CLIP1: variants seen among roughly 807,000 people sequenced by gnomAD.
CLIP1 encodes the protein CAP-Gly domain containing linker protein 1, also known as CAP-Gly domain-containing linker protein 1.
Under a neutral mutation model 161.6 loss-of-function variants are expected in CLIP1, and 66 were observed. That is an observed-to-expected ratio of 0.41 (90% CI 0.33 to 0.50). The LOEUF (loss-of-function observed/expected upper bound fraction) is 0.50. CLIP1 is among the 20% of genes least tolerant of loss of function. CLIP1 has a pLI of 0.27. For missense variants in CLIP1, 1,376 were observed against 1,702.0 expected, an observed-to-expected ratio of 0.81 and a Z score of 3.37; for synonymous variants, 598 against 626.2, an observed-to-expected ratio of 0.96 and a Z score of 0.67.
intron 1 of CLIP1, among the ~76,000 whole-genome samples, chr12:122,396,337 G>A (rs376472830): frequency 3.3e-5 from 5 of 152,176 alleles, no homozygotes; most frequent in African/African-American, 1.2e-4. Flanking sequence ...GTATCTTTGT[G>A]AGGAAAAGGC....
intron 1 of CLIP1, among the ~76,000 whole-genome samples, chr12:122,417,047 C>T (rs893876214): frequency 9.9e-5 from 15 of 152,090 alleles, no homozygotes; most frequent in African/African-American, 2.9e-4. Flanking sequence ...CCTGTAATCC[C>T]AGCACTCTGG....
intron 9 of CLIP1, among the ~76,000 whole-genome samples, chr12:122,348,329 G>A (rs981202079): frequency 1.3e-5 from 2 of 152,176 alleles, no homozygotes; most frequent in Non-Finnish European, 2.9e-5. Context: ...CCAATTGAGA[G>A]GCTCAAGAGA....
chr12:122,380,512 T>C lies in CLIP1; in HGVS notation c.-60A>G. ...TGTTGCCACTATCTTTCCCCAACCA[T>C]TGATACAACTGTGGGTTCTATAGTG... On this transcript the variant is annotated 5_prime_UTR_variant, in exon 2 of 26. The change abolishes an upstream ATG in the 5' untranslated region. Coordinates refer to ENST00000620786, the MANE Select transcript of CLIP1 (RefSeq NM_001247997.2). The C allele has an allele frequency of 1.9e-6, 2 of 1,040,934 alleles. No homozygotes were observed. The highest frequency in any genetic ancestry group is 2.7e-5 in the South Asian group (2 of 75,180). The allele number at this position is 1,040,934 out of a possible 1,614,324, so 64.5% of individuals were successfully genotyped here.
At chr12:122,406,755 C>A (rs1956339439) in intron 1 of CLIP1, among the ~76,000 whole-genome samples, 1 of 152,038 alleles carries the variant, frequency 6.6e-6, no homozygotes, top group African/African-American at 2.4e-5. Flanking sequence ...TAAAAACTAA[C>A]CCAGGGAGAA....
At chr12:122,340,338 C>T (rs1952442628) in intron 11 of CLIP1, among the ~76,000 whole-genome samples, 1 of 152,154 alleles carries the variant, frequency 6.6e-6, no homozygotes, top group South Asian at 2.1e-4. Flanking sequence ...CTCAGCCTCC[C>T]AAAGTGCTGG....
rs557228450 is a variant in CLIP1, at chr12:122,323,425, C to T, written c.3250-4077G>A. ...GCTGGATGCACTCGGAGTCCGTGAC[C>T]GCCCGCCTGGCCTTAATTTCCTCCA... is the stretch of plus-strand genomic sequence containing the variant. On this transcript the variant is annotated intron_variant, in intron 17 of 25. Transcript: ENST00000620786. The surrounding 1 kb of genome is among the most constrained non-coding windows in gnomAD (Gnocchi z 4.1). The T allele has an allele frequency of 5.2e-5, 8 of 152,712 alleles. No individual in the cohort carries two copies. Among genetic ancestry groups the T allele is most frequent in the African/African-American group, 1.7e-4 (7 of 41,548 alleles). The allele number at this position is 152,712 out of a possible 1,614,324, so 9.5% of individuals were successfully genotyped here. A position where few individuals can be genotyped will look rare whatever the true frequency, so the allele number is the denominator to read the frequency against.
In CLIP1 at chr12:122,336,760, T is replaced by G. The variant is rs752982154; in HGVS notation, c.2452-12A>C. ...GTAATGCTACTAGCCTAACACACAG[T>G]GTTACATGGTATAGAAGCAAATGAA... On this transcript the variant is annotated splice_polypyrimidine_tract_variant and intron_variant, in intron 11 of 25. Coordinates refer to ENST00000620786, the MANE Select transcript of CLIP1 (RefSeq NM_001247997.2). The G allele has an allele frequency of 4.7e-6, 6 of 1,264,458 alleles. No individual in the cohort carries two copies. In the Admixed American group the frequency reaches 1.0e-4, roughly 22 times the overall value. The allele number at this position is 1,264,458 out of a possible 1,614,324, so 78.3% of individuals were successfully genotyped here.
At chr12:122,363,222 G>A (rs1448168721) in intron 4 of CLIP1, among the ~76,000 whole-genome samples, 2 of 152,124 alleles carry the variant, frequency 1.3e-5, no homozygotes, top group African/African-American at 2.4e-5. Context: ...TATCCAGGCT[G>A]GACGCGGTGG....
At chr12:122,396,612 A>G (rs2137031897) in intron 1 of CLIP1, 2 of 152,300 alleles carry the variant, frequency 1.3e-5, no homozygotes, top group South Asian at 4.1e-4. Context: ...GAGCCACAGT[A>G]AAACGGCTTC....
chr12:122,333,735 C>G (rs1304334235), intron 14 of CLIP1, among the ~76,000 whole-genome samples: 1 of 152,094 alleles, frequency 6.6e-6, no homozygotes, highest in Admixed American at 6.5e-5. Flanking sequence ...GCAGTGAGCC[C>G]CAAGGGTCAG....
chr12:122,293,464 TG>T (rs1371381201), intron 20 of CLIP1, among the ~76,000 whole-genome samples: 1 of 151,208 alleles, frequency 6.6e-6, no homozygotes, highest in Non-Finnish European at 1.5e-5. Context: ...TTTTGGAAAA[TG>T]GTTTGAGAAT....
chr12:122,343,088 AC>A (rs1433382516), intron 10 of CLIP1: 1 of 150,816 alleles, frequency 6.6e-6, no homozygotes, highest in African/African-American at 2.4e-5. Context: ...ATAACACATC[AC>A]CTGTAGAATG....
intron 10 of CLIP1, chr12:122,342,394 C>T (rs1054373412): frequency 6.6e-6 from 1 of 152,194 alleles, no homozygotes; most frequent in Admixed American, 6.5e-5. Flanking sequence ...TGGAGGTGAT[C>T]TTATAGAACT....
Position 122,355,002 on chromosome 12 carries a change from C to T in CLIP1, c.1203+113G>A, listed in dbSNP as rs2136480023. ...CAAGCACAGCAAAGAAATGTACACC[C>T]ATTTCTTGTGCTCTCAAGTCTAGCT... On this transcript the variant is annotated intron_variant, in intron 6 of 25. Transcript: ENST00000620786. This position sits in a 1 kb window ranked among gnomAD's most constrained non-coding sequence, Gnocchi z 4.1. 1.1e-6 allele frequency: 1 copy of T among 878,210 alleles called. No homozygotes were observed. 54.4% of individuals were successfully genotyped at this position (878,210 alleles called of 1,614,324 possible). A position where few individuals can be genotyped will look rare whatever the true frequency, so the allele number is the denominator to read the frequency against.
At chr12:122,343,025 T>G (rs2136360025) in intron 10 of CLIP1, 1 of 152,096 alleles carries the variant, frequency 6.6e-6, no homozygotes, top group South Asian at 2.1e-4. Flanking sequence ...TATACTTCTA[T>G]TGGACAGCAC....
rs2136224938 is a variant in CLIP1, at chr12:122,279,257, T to C, written c.3648-112A>G. 5.7e-6 allele frequency: 4 copies of C among 701,636 alleles called. No homozygotes were observed. The highest frequency in any genetic ancestry group is 4.5e-6 in the Non-Finnish European group (2 of 440,134). 43.5% of individuals were successfully genotyped at this position (701,636 alleles called of 1,614,324 possible). On this transcript the variant is annotated intron_variant, in intron 21 of 25. Transcript: ENST00000620786. This position sits in a 1 kb window ranked among gnomAD's most constrained non-coding sequence, Gnocchi z 4.5. Reference sequence around the variant, plus strand: ...GTTAGTTAATGTAAAAAAAAAAATATAACAGGGAAGTTTTATAGGGAGTTA... The same window carrying C: ...GTTAGTTAATGTAAAAAAAAAAATACAACAGGGAAGTTTTATAGGGAGTTA...
Position 122,340,616 on chromosome 12 carries a change from C to T in CLIP1, c.2451+137G>A, listed in dbSNP as rs1168093327. 1.0e-5 allele frequency: 7 copies of T among 671,622 alleles called. No homozygotes were observed. The Admixed American group carries it at 1.8e-4, about 17-fold the overall frequency. 41.6% of individuals were successfully genotyped at this position (671,622 alleles called of 1,614,324 possible). ...CTTGAGATACTCAGAACATACTACA[C>T]TATACTCAACTGGGGACATCAAGCA... On this transcript the variant is annotated intron_variant, in intron 11 of 25. Coordinates refer to ENST00000620786, the MANE Select transcript of CLIP1 (RefSeq NM_001247997.2).
chr12:122,303,956 G>A (rs1392923586), intron 20 of CLIP1, among the ~76,000 whole-genome samples: 1 of 152,204 alleles, frequency 6.6e-6, no homozygotes, highest in African/African-American at 2.4e-5. Flanking sequence ...CAAGCAGGAA[G>A]GAAGGGCCAG....
At chr12:122,373,803 T>C (rs1954577772) in intron 3 of CLIP1, among the ~76,000 whole-genome samples, 1 of 152,138 alleles carries the variant, frequency 6.6e-6, no homozygotes, top group African/African-American at 2.4e-5. Flanking sequence ...ATCTACAGTC[T>C]ACAATCTACG....
Sources: gnomAD v4.1 joint callset for allele counts (sites outside exome capture counted in the v4.1 genomes callset) on GRCh38, gnomAD v4.1.1 for gene constraint, Gnocchi (gnomAD v3.1) non-coding constraint, MANE v1.5 for transcripts, NCBI Gene and HGNC (gene_info 2026-07-23, HGNC 2026-07-21) for gene names.